Variants in PDCD10 observed in about 807,000 individuals in gnomAD.
The protein encoded by PDCD10 is programmed cell death protein 10.
A neutral mutation model predicts 29.2 loss-of-function variants in PDCD10; 4 were observed. The observed-to-expected ratio is 0.14, with a 90% CI of 0.07 to 0.31. The LOEUF (loss-of-function observed/expected upper bound fraction) is 0.31. PDCD10 is among the 10% of genes least tolerant of loss of function. The probability of loss-of-function intolerance (pLI) is 1.00; values close to 1 mark genes in which losing one functional copy is unlikely to be tolerated. For missense variants in PDCD10, 183 were observed against 257.9 expected, an observed-to-expected ratio of 0.71 and a Z score of 1.99; for synonymous variants, 70 against 82.2, an observed-to-expected ratio of 0.85 and a Z score of 0.80.
intron 4 of PDCD10, among the ~76,000 whole-genome samples, chr3:167,704,294 C>A (rs1426870566): frequency 6.6e-6 from 1 of 152,138 alleles, no homozygotes; most frequent in Non-Finnish European, 1.5e-5. Flanking sequence ...GCGGCATGAT[C>A]ACGTCCCACT....
intron 3 of PDCD10, among the ~76,000 whole-genome samples, chr3:167,708,531 T>C (rs1347404170): frequency 6.6e-6 from 1 of 152,198 alleles, no homozygotes; most frequent in Middle Eastern, 3.2e-3. Context: ...AGAACTAAAC[T>C]GGGCCAACTT....
intron 2 of PDCD10, among the ~76,000 whole-genome samples, chr3:167,722,357 A>G (rs1723659462): frequency 6.6e-6 from 1 of 152,186 alleles, no homozygotes; most frequent in Non-Finnish European, 1.5e-5. Flanking sequence ...CGTGTTTTAT[A>G]AAAGGAAAGT....
chr3:167,686,095 T>C (rs1577316016), intron 8 of PDCD10, among the ~76,000 whole-genome samples: 1 of 152,316 alleles, frequency 6.6e-6, no homozygotes, highest in African/African-American at 2.4e-5. Context: ...ATGGAATGAT[T>C]GAGGTCTCTA....
chr3:167,732,421 G>A (rs925884156), intron 2 of PDCD10, among the ~76,000 whole-genome samples: 1 of 152,170 alleles, frequency 6.6e-6, no homozygotes, highest in African/African-American at 2.4e-5. Context: ...AGTTCAAAAT[G>A]AGAAGAAATG....
chr3:167,728,732 ACACAGTATTCTG>A (rs1724481743), intron 2 of PDCD10, among the ~76,000 whole-genome samples: 1 of 152,214 alleles, frequency 6.6e-6, no homozygotes, highest in South Asian at 2.1e-4. Flanking sequence ...CTAGTATCCA[ACACAGTATTCTG>A]CATAGTCAGT....
At position 167,685,934 on chromosome 3, in the gene PDCD10, T is replaced by A. The variant is rs1404470578; in HGVS notation, c.557+1300A>T. Among the ~76,000 whole-genome samples the A allele has an allele frequency of 2.6e-5, 4 of 152,156 alleles. No individual in the cohort carries two copies. In the East Asian group the frequency reaches 5.8e-4, roughly 22 times the overall value. On this transcript the variant is annotated intron_variant, in intron 8 of 8. Coordinates refer to ENST00000392750, the MANE Select transcript of PDCD10 (RefSeq NM_007217.4). ...CGATATCTCTAATTCATAATATAAATGTAAATACTTCAACCTGTTTGAACT... is the reference window on the plus strand; with the variant it reads ...CGATATCTCTAATTCATAATATAAAAGTAAATACTTCAACCTGTTTGAACT...
At chr3:167,692,889 G>C (rs951590099) in intron 6 of PDCD10, among the ~76,000 whole-genome samples, 1 of 152,248 alleles carries the variant, frequency 6.6e-6, no homozygotes, top group Non-Finnish European at 1.5e-5. Flanking sequence ...CTGCACTCCA[G>C]CCTGGGCGAC....
intron 2 of PDCD10, among the ~76,000 whole-genome samples, chr3:167,727,346 T>C (rs1323939010): frequency 6.6e-6 from 1 of 152,230 alleles, no homozygotes; most frequent in East Asian, 1.9e-4. Context: ...TACATCTCTT[T>C]AGTTGTGACA....
chr3:167,704,853 C>T lies in PDCD10; in HGVS notation c.139G>A (p.Ala47Thr). 3 of 1,603,876 alleles carry T rather than the reference C, an allele frequency of 1.9e-6. No individual in the cohort carries two copies. The highest frequency in any genetic ancestry group is 2.6e-6 in the Non-Finnish European group (3 of 1,171,156). The stretch of plus-strand genomic sequence containing the variant: ...TATTTGCACCTCACCTTGATGAAAG[C>T]GGCTCTCAGTGTCTGGGCTGCAGAC... ...NLSAAQTLRA[A>T]FIKAEKENPG... The change falls in exon 4 of 9, where the codon GCT becomes ACT. Residue 47 changes from alanine (A) to threonine (T), a missense_variant. Coordinates refer to ENST00000392750, the MANE Select transcript of PDCD10 (RefSeq NM_007217.4).
chr3:167,719,441 T>G lies in PDCD10; in HGVS notation c.96+621A>C, dbSNP rs894087971. On this transcript the variant is annotated intron_variant, in intron 3 of 8. Coordinates refer to ENST00000392750, the MANE Select transcript of PDCD10 (RefSeq NM_007217.4). ...TCAGTTCCAGAATTCTCTACATACC[T>G]TAGCATGTTAATATTAATTTAAAAG... Among the ~76,000 whole-genome samples, 3 of 152,186 alleles carry G rather than the reference T, an allele frequency of 2.0e-5. No homozygotes were observed. The East Asian group carries it at 5.8e-4, about 29-fold the overall frequency.
chr3:167,733,491 TAAA>T (rs1297710372), intron 2 of PDCD10, among the ~76,000 whole-genome samples: 2 of 152,088 alleles, frequency 1.3e-5, no homozygotes, highest in East Asian at 3.9e-4. Context: ...CTAAGAAAAA[TAAA>T]AATATGCAAG....
chr3:167,721,574 A>G (rs1349525897), intron 2 of PDCD10, among the ~76,000 whole-genome samples: 1 of 152,218 alleles, frequency 6.6e-6, no homozygotes, highest in Non-Finnish European at 1.5e-5. Flanking sequence ...AAAGGCCTGC[A>G]GTGACGCTTC....
rs563573438 is a variant in PDCD10, at chr3:167,733,913, T to A, written c.-117+301A>T. 3.3e-4 allele frequency among the ~76,000 whole-genome samples: 51 copies of A among 152,348 alleles called. No homozygotes were observed. In the South Asian group the frequency reaches 3.5e-3, roughly 11 times the overall value. On this transcript the variant is annotated intron_variant, in intron 2 of 8. Coordinates refer to ENST00000392750, the MANE Select transcript of PDCD10 (RefSeq NM_007217.4). ...TGTAAAAGTTGAAACTGGCCATTTT[T>A]ATTTTTTCCAAAAGGATCTTTCCTT...
intron 3 of PDCD10, among the ~76,000 whole-genome samples, chr3:167,705,347 A>G (rs752962012): frequency 1.3e-5 from 2 of 152,098 alleles, no homozygotes; most frequent in Non-Finnish European, 2.9e-5. Flanking sequence ...ATAAAACTCA[A>G]TTGTATATAT....
intron 4 of PDCD10, among the ~76,000 whole-genome samples, chr3:167,697,560 T>C (rs1274908964): frequency 6.6e-6 from 1 of 152,180 alleles, no homozygotes; most frequent in East Asian, 1.9e-4. Context: ...TGCATATTCT[T>C]TCCATTTATA....
chr3:167,702,592 CTG>C (rs111876054), intron 4 of PDCD10, among the ~76,000 whole-genome samples: 2,059 of 152,236 alleles, frequency 0.014, 44 homozygotes, highest in African/African-American at 0.048. Context: ...CAAAGGTTAA[CTG>C]TATATACATT....
intron 6 of PDCD10, among the ~76,000 whole-genome samples, chr3:167,689,313 A>G (rs933371035): frequency 6.6e-6 from 1 of 152,196 alleles, no homozygotes; most frequent in African/African-American, 2.4e-5. Context: ...CAAATAAAAC[A>G]TGTCAAATCT....
chr3:167,697,158 C>A, intron 4 of PDCD10, 32 bp from the exon 5 acceptor site: 1 of 1,149,806 alleles, frequency 8.7e-7, no homozygotes, highest in Non-Finnish European at 1.3e-6. Flanking sequence ...TTTTGAAATA[C>A]AGATAAGGAA....
intron 3 of PDCD10, among the ~76,000 whole-genome samples, chr3:167,719,333 G>A (rs1464732712): frequency 6.6e-6 from 1 of 152,024 alleles, no homozygotes; most frequent in African/African-American, 2.4e-5. Context: ...ATTTGTTATA[G>A]GTAATTTTAG....
Sources: gnomAD v4.1 joint callset for allele counts (sites outside exome capture counted in the v4.1 genomes callset) on GRCh38, gnomAD v4.1.1 for gene constraint, MANE v1.5 for transcripts, NCBI Gene and HGNC (gene_info 2026-07-23, HGNC 2026-07-21) for gene names.